LIPJ: variants seen among roughly 807,000 people sequenced by gnomAD.
The protein encoded by LIPJ is lipase family member J, also known as lipase member J.
LIPJ carries 33 observed loss-of-function variants against 39.8 expected under a neutral mutation model. The ratio of observed to expected loss-of-function variants is 0.83; its 90% CI spans 0.63 to 1.11. The LOEUF is 1.11. Among genes scored for constraint, LIPJ ranks in the 50% least tolerant of loss-of-function variants. The probability of loss-of-function intolerance (pLI) is 0.00; values close to 1 mark genes in which losing one functional copy is unlikely to be tolerated. For synonymous variants in LIPJ, 128 were observed against 139.2 expected (o/e 0.92, Z 0.57); for missense variants, 422 against 427.9 (o/e 0.99, Z 0.12).
chr10:88,597,160 A>G (rs141187527), intron 8 of LIPJ, among the ~76,000 whole-genome samples: 1 of 151,822 alleles, frequency 6.6e-6, no homozygotes, highest in East Asian at 1.9e-4. Context: ...CTGTCTGTAA[A>G]TATTCGAGAG....
upstream of LIPJ, chr10:88,583,019 A>T: frequency 6.3e-7 from 1 of 1,584,066 alleles, no homozygotes; most frequent in Non-Finnish European, 8.6e-7. Context: ...ACACCACCTC[A>T]GCAGCCTGCC....
the LIPJ span, among the ~76,000 whole-genome samples, chr10:88,622,868 G>A: frequency 6.6e-6 from 1 of 152,128 alleles, no homozygotes; most frequent in Non-Finnish European, 1.5e-5. Flanking sequence ...AAAAATGGTG[G>A]AAACAAGGAG....
At chr10:88,608,273 G>A (rs1055512615), downstream of LIPJ, among the ~76,000 whole-genome samples, 2 of 152,180 alleles carry the variant, frequency 1.3e-5, no homozygotes, top group Admixed American at 6.5e-5. Context: ...AGAACGCTTC[G>A]CCTCTCTCAC....
intron 4 of LIPJ, chr10:88,593,259 T>C (rs1473594978): frequency 4.6e-5 from 7 of 151,848 alleles, no homozygotes; most frequent in African/African-American, 1.7e-4. Context: ...GCATTTTCTC[T>C]CTGGAGACCA....
intron 8 of LIPJ, among the ~76,000 whole-genome samples, chr10:88,602,232 T>C (rs1344513235): frequency 6.6e-6 from 1 of 152,166 alleles, no homozygotes; most frequent in Non-Finnish European, 1.5e-5. Context: ...CTCTCCTCAA[T>C]TTATTTTTGT....
rs1470727534 is a variant in LIPJ, at chr10:88,606,091, A to AT, written c.867+388dup. 2.6e-5 allele frequency among the ~76,000 whole-genome samples: 4 copies of AT among 152,182 alleles called. No individual in the cohort carries two copies. In the East Asian group the frequency reaches 7.7e-4, roughly 29 times the overall value. On this transcript the variant is annotated intron_variant, in intron 10 of 10. Transcript: ENST00000371939. ...TTGGAAAGATAAGAAAACATATATAATAATTAGGAAAAATTAGAAGTAAAT... is the reference window on the plus strand; with the variant it reads ...TTGGAAAGATAAGAAAACATATATAATTAATTAGGAAAAATTAGAAGTAAAT...
chr10:88,591,347 A>G (rs1851072826), intron 3 of LIPJ, 31 bp from the exon 4 acceptor site: 1 of 1,555,076 alleles, frequency 6.4e-7, no homozygotes, highest in Admixed American at 1.9e-5. Flanking sequence ...TAACAATTTT[A>G]TGCTAAAAGA....
upstream of LIPJ, chr10:88,583,650 A>G: frequency 1.0e-6 from 1 of 988,322 alleles, no homozygotes; most frequent in Non-Finnish European, 1.2e-6. Context: ...CAGCGATACC[A>G]CGGGCAACCT....
the LIPJ span, among the ~76,000 whole-genome samples, chr10:88,612,566 A>G: frequency 7.6e-4 from 116 of 152,290 alleles, no homozygotes; most frequent in African/African-American, 2.7e-3. Flanking sequence ...ATGGACACCA[A>G]AAGCTAGCAG....
At position 88,602,658 on chromosome 10, in the gene LIPJ, T is replaced by C; in HGVS notation, c.795+11T>C. On this transcript the variant is annotated intron_variant, in intron 9 of 10. Transcript: ENST00000371939. ...CTTCATTGGAGTCAGGTATAACTGCTAAAGTGCATTTCCATACAATTTAAT... is the reference window on the plus strand; with the variant it reads ...CTTCATTGGAGTCAGGTATAACTGCCAAAGTGCATTTCCATACAATTTAAT... 1 of 1,519,050 alleles carries C rather than the reference T, an allele frequency of 6.6e-7. No individual in the cohort carries two copies. The allele number at this position is 1,519,050 out of a possible 1,614,324, so 94.1% of individuals were successfully genotyped here.
At chr10:88,592,092 G>A (rs1336171529) in intron 4 of LIPJ, 1 of 151,758 alleles carries the variant, frequency 6.6e-6, no homozygotes, top group Non-Finnish European at 1.5e-5. Context: ...TTTCTCCTTA[G>A]CTTTTCTTCC....
At chr10:88,602,211 G>T (rs149407075) in intron 8 of LIPJ, among the ~76,000 whole-genome samples, 2 of 151,816 alleles carry the variant, frequency 1.3e-5, no homozygotes, top group Non-Finnish European at 1.5e-5. Context: ...GTCTTTGGGG[G>T]TTCTTTATTT....
chr10:88,613,934 C>T, the LIPJ span, among the ~76,000 whole-genome samples: 5 of 148,700 alleles, frequency 3.4e-5, no homozygotes, highest in African/African-American at 9.8e-5. Context: ...ATAAACTGTA[C>T]ACCAAATTTT....
At chr10:88,583,273 C>T (rs1177455915), upstream of LIPJ, 16 of 1,569,128 alleles carry the variant, frequency 1.0e-5, no homozygotes, top group African/African-American at 1.4e-5. Context: ...GCCGAACCGG[C>T]GCTAGCGCTC....
intron 10 of LIPJ, 34 bp downstream of exon 10, chr10:88,605,738 C>G: frequency 7.1e-7 from 1 of 1,400,516 alleles, no homozygotes; most frequent in Admixed American, 1.7e-5. Context: ...CTCTACCTTA[C>G]TGACTTTTTC....
At chr10:88,607,313 C>T (rs1183630505), downstream of LIPJ, among the ~76,000 whole-genome samples, 1 of 152,030 alleles carries the variant, frequency 6.6e-6, no homozygotes, top group African/African-American at 2.4e-5. Flanking sequence ...AGTAAAAACA[C>T]TTTTCAAGTT....
the LIPJ span, among the ~76,000 whole-genome samples, chr10:88,617,061 A>C: frequency 4.6e-5 from 7 of 152,160 alleles, no homozygotes; most frequent in African/African-American, 1.7e-4. Flanking sequence ...GTAAAGAAGA[A>C]ACCTAAAATT....
intron 2 of LIPJ, among the ~76,000 whole-genome samples, chr10:88,587,863 T>G (rs1295414575): frequency 1.3e-5 from 2 of 152,074 alleles, no homozygotes; most frequent in Non-Finnish European, 2.9e-5. Context: ...AATCTAGTAG[T>G]AGTGATTACT....
chr10:88,598,372 G>A (rs762569381), intron 8 of LIPJ, among the ~76,000 whole-genome samples: 2 of 152,006 alleles, frequency 1.3e-5, no homozygotes, highest in Non-Finnish European at 2.9e-5. Flanking sequence ...AGCAAGTCAT[G>A]ATGCAAGAAA....
Sources: allele counts gnomAD v4.1 joint callset (sites outside exome capture counted in the v4.1 genomes callset), GRCh38; gene constraint gnomAD v4.1.1; transcripts MANE v1.5; gene names NCBI Gene and HGNC (gene_info 2026-07-23, HGNC 2026-07-21).